The following GRIK4 variants were observed in gnomAD, a reference collection of about 807,000 sequenced individuals.
The protein encoded by GRIK4 is glutamate receptor ionotropic, kainate 4.
GRIK4 carries 40 observed loss-of-function variants against 104.9 expected under a neutral mutation model. That is an observed-to-expected ratio of 0.38 (90% CI 0.30 to 0.50). The LOEUF (loss-of-function observed/expected upper bound fraction) is 0.50, where lower values mean the gene tolerates loss of function less well. Among genes scored for constraint, GRIK4 ranks in the 20% least tolerant of loss-of-function variants. The pLI, the probability that GRIK4 is intolerant of heterozygous loss-of-function variation, is 0.93. For synonymous variants in GRIK4, 485 were observed against 524.9 expected (o/e 0.92, Z 1.04); for missense variants, 1,047 against 1,308.1 (o/e 0.80, Z 3.08).
At position 120,549,586 on chromosome 11, in the gene GRIK4, A is replaced by G. The variant is rs1948119841; in HGVS notation, c.-159+37699A>G. ...CAGGATAGGGAGGGGCACAGCAGGC[A>G]CCCCCTCCCGGAGCCTGGCTAGGGC... On this transcript the variant is annotated intron_variant, in intron 1 of 20. Coordinates refer to ENST00000527524, the MANE Select transcript of GRIK4 (RefSeq NM_014619.5). This position sits in a 1 kb window ranked among gnomAD's most constrained non-coding sequence, Gnocchi z 4.7. 6.6e-6 allele frequency among the ~76,000 whole-genome samples: 1 copy of G among 151,980 alleles called. No homozygotes were observed. Among genetic ancestry groups the G allele is most frequent in the Non-Finnish European group, 1.5e-5 (1 of 67,996 alleles).
intron 1 of GRIK4, among the ~76,000 whole-genome samples, chr11:120,627,037 C>T (rs989830316): frequency 6.6e-5 from 10 of 152,210 alleles, no homozygotes; most frequent in Admixed American, 6.5e-4. Context: ...GGCCACGTAG[C>T]AGGCGGGCCT....
At chr11:120,668,349 G>A (rs1949959427) in intron 3 of GRIK4, among the ~76,000 whole-genome samples, 1 of 149,838 alleles carries the variant, frequency 6.7e-6, no homozygotes, top group Non-Finnish European at 1.5e-5. Flanking sequence ...AAGAATGAAA[G>A]AGAGAAAGAG....
At chr11:120,629,624 C>T (rs145236369) in intron 1 of GRIK4, among the ~76,000 whole-genome samples, 10 of 152,210 alleles carry the variant, frequency 6.6e-5, no homozygotes, top group Non-Finnish European at 1.3e-4. Flanking sequence ...GCAGAGGAAG[C>T]TAGAGCGCCT....
intron 20 of GRIK4, among the ~76,000 whole-genome samples, chr11:120,984,230 C>T (rs1270662161): frequency 6.6e-6 from 1 of 152,098 alleles, no homozygotes; most frequent in African/African-American, 2.4e-5. Flanking sequence ...AACAACTATG[C>T]CATTGGTAGA....
At chr11:120,515,605 A>G (rs1947716161) in intron 1 of GRIK4, among the ~76,000 whole-genome samples, 1 of 152,226 alleles carries the variant, frequency 6.6e-6, no homozygotes, top group African/African-American at 2.4e-5. Flanking sequence ...CCCAGAGGGC[A>G]GATTCCTGGA....
chr11:120,828,687 T>C (rs1447763734), intron 6 of GRIK4, among the ~76,000 whole-genome samples: 1 of 152,156 alleles, frequency 6.6e-6, no homozygotes, highest in Non-Finnish European at 1.5e-5. Flanking sequence ...AACTGACTGA[T>C]AGGCAATTCT....
At chr11:120,816,696 A>G (rs1047386277) in intron 5 of GRIK4, among the ~76,000 whole-genome samples, 7 of 152,068 alleles carry the variant, frequency 4.6e-5, no homozygotes, top group African/African-American at 1.7e-4. Context: ...TGGGCAGAAG[A>G]ATATTTATCT....
In GRIK4 at chr11:120,799,602, G is replaced by A. The variant is rs541702412; in HGVS notation, c.83-3091G>A. On this transcript the variant is annotated intron_variant, in intron 3 of 20. Coordinates refer to ENST00000527524, the MANE Select transcript of GRIK4 (RefSeq NM_014619.5). ...TGCTTCAAACCTGTGAGAACGGGCA[G>A]ATCATGACCTCTCTGACCTCCAATT... 2.6e-5 allele frequency among the ~76,000 whole-genome samples: 4 copies of A among 152,362 alleles called. No homozygotes were observed. The East Asian group carries it at 5.8e-4, about 22-fold the overall frequency.
In GRIK4 at chr11:120,725,971, A is replaced by G. The variant is rs533056469; in HGVS notation, c.82+65571A>G. Reference sequence around the variant, plus strand: ...ATGAATAAGATAATTTCAGGCACTGATGAGTGCTAAGGCAAAATAGGTAGC... The same window carrying G: ...ATGAATAAGATAATTTCAGGCACTGGTGAGTGCTAAGGCAAAATAGGTAGC... On this transcript the variant is annotated intron_variant, in intron 3 of 20. Transcript: ENST00000527524. Among the ~76,000 whole-genome samples, 32 of 152,342 alleles carry G rather than the reference A, an allele frequency of 2.1e-4. No homozygotes were observed. In the South Asian group the frequency reaches 6.6e-3, roughly 32 times the overall value.
intron 11 of GRIK4, among the ~76,000 whole-genome samples, chr11:120,895,024 T>A (rs1055307528): frequency 3.3e-5 from 5 of 152,110 alleles, no homozygotes; most frequent in African/African-American, 4.8e-5. Context: ...TGACTGGAGC[T>A]TGGGGGCTAA....
At chr11:120,619,884 T>C in intron 1 of GRIK4, 1 of 235,388 alleles carries the variant, frequency 4.2e-6, no homozygotes. Flanking sequence ...TTCTTTTTTT[T>C]TTTTTAATAC....
chr11:120,924,942 G>A (rs753608749), intron 13 of GRIK4, among the ~76,000 whole-genome samples: 2 of 152,160 alleles, frequency 1.3e-5, no homozygotes, highest in Admixed American at 1.3e-4. Flanking sequence ...TGGTTTCAAC[G>A]TGTGCACATA....
chr11:120,722,101 C>G (rs1195120845), intron 3 of GRIK4, among the ~76,000 whole-genome samples: 5 of 152,164 alleles, frequency 3.3e-5, no homozygotes. Flanking sequence ...AGCTCCCAGG[C>G]TGGTAGTCTC....
intron 3 of GRIK4, among the ~76,000 whole-genome samples, chr11:120,705,474 C>T (rs537584710): frequency 7.9e-5 from 12 of 152,232 alleles, no homozygotes; most frequent in Admixed American, 2.0e-4. Context: ...GATTTGCCCA[C>T]CTTGGACTCC....
chr11:120,776,403 C>A (rs562066883), intron 3 of GRIK4, among the ~76,000 whole-genome samples: 2 of 152,120 alleles, frequency 1.3e-5, no homozygotes, highest in Non-Finnish European at 1.5e-5. Flanking sequence ...TGGAGTTCCC[C>A]CTCTTTTTTG....
At chr11:120,823,096 C>T (rs1037512678) in intron 6 of GRIK4, among the ~76,000 whole-genome samples, 1 of 152,032 alleles carries the variant, frequency 6.6e-6, no homozygotes, top group African/African-American at 2.4e-5. Flanking sequence ...GTGTACACAG[C>T]GGGGTTGTTA....
chr11:120,602,807 A>G (rs1948904476), intron 1 of GRIK4, among the ~76,000 whole-genome samples: 1 of 152,050 alleles, frequency 6.6e-6, no homozygotes. Context: ...GGCTCAGGCA[A>G]TCCTCCCGTC....
intron 3 of GRIK4, among the ~76,000 whole-genome samples, chr11:120,665,725 A>C (rs916632470): frequency 6.6e-6 from 1 of 152,128 alleles, no homozygotes; most frequent in South Asian, 2.1e-4. Context: ...ATATTTTACC[A>C]AAAGAAAAAA....
chr11:120,608,348 A>G (rs960512692), intron 1 of GRIK4, among the ~76,000 whole-genome samples: 45 of 152,190 alleles, frequency 3.0e-4, no homozygotes, highest in Non-Finnish European at 4.0e-4. Context: ...GAAAAGGAGA[A>G]ATCTGGGAGG....
Sources: allele counts gnomAD v4.1 joint callset (sites outside exome capture counted in the v4.1 genomes callset), GRCh38; gene constraint gnomAD v4.1.1; non-coding constraint Gnocchi (gnomAD v3.1); transcripts MANE v1.5; gene names NCBI Gene and HGNC (gene_info 2026-07-23, HGNC 2026-07-21).